The following ABAT variants were observed in gnomAD, a reference collection of about 807,000 sequenced individuals.
The protein encoded by ABAT is 4-aminobutyrate aminotransferase, mitochondrial.
Under a neutral mutation model 64.6 loss-of-function variants are expected in ABAT, and 45 were observed. The ratio of observed to expected loss-of-function variants is 0.70; its 90% CI spans 0.55 to 0.89. The LOEUF (loss-of-function observed/expected upper bound fraction) is 0.89, where lower values mean the gene tolerates loss of function less well. ABAT is among the 40% of genes least tolerant of loss of function. The pLI, the probability that ABAT is intolerant of heterozygous loss-of-function variation, is 0.00. For synonymous variants in ABAT, 297 were observed against 250.5 expected, an observed-to-expected ratio of 1.19 and a Z score of -1.75; for missense variants, 633 against 658.4, an observed-to-expected ratio of 0.96 and a Z score of 0.42.
At chr16:8,678,712 T>C (rs60472652) in intron 1 of ABAT, among the ~76,000 whole-genome samples, 5,662 of 152,282 alleles carry the variant, frequency 0.037, 338 homozygotes, top group African/African-American at 0.13. Context: ...TGGCAGAGCT[T>C]GCAACACTGG....
chr16:8,728,235 T>C (rs1291048579), intron 1 of ABAT, among the ~76,000 whole-genome samples: 2 of 152,256 alleles, frequency 1.3e-5, no homozygotes, highest in Non-Finnish European at 2.9e-5. Flanking sequence ...AATTAATGTC[T>C]AACAGAGATC....
intron 4 of ABAT, among the ~76,000 whole-genome samples, chr16:8,749,026 G>C (rs140243943): frequency 6.6e-6 from 1 of 150,828 alleles, no homozygotes; most frequent in African/African-American, 2.4e-5. Context: ...TCATATGGTT[G>C]TGTTTACAGC....
chr16:8,695,891 C>T (rs1370568336), intron 1 of ABAT, among the ~76,000 whole-genome samples: 3 of 152,122 alleles, frequency 2.0e-5, no homozygotes, highest in Non-Finnish European at 2.9e-5. Context: ...TTAAACAATG[C>T]ACAGAACCTT....
chr16:8,693,987 A>C (rs935080622), intron 1 of ABAT, among the ~76,000 whole-genome samples: 2 of 152,028 alleles, frequency 1.3e-5, no homozygotes, highest in African/African-American at 4.8e-5. Flanking sequence ...ACATTGATAC[A>C]GTCCATCCAT....
intron 4 of ABAT, among the ~76,000 whole-genome samples, chr16:8,749,433 C>T (rs2059418748): frequency 9.9e-6 from 1 of 101,050 alleles, no homozygotes; most frequent in African/African-American, 3.7e-5. Flanking sequence ...AAGTCTCACT[C>T]TGTCTCCCAG....
intron 5 of ABAT, among the ~76,000 whole-genome samples, chr16:8,752,443 G>C (rs1430231645): frequency 6.6e-6 from 1 of 152,160 alleles, no homozygotes; most frequent in Non-Finnish European, 1.5e-5. Flanking sequence ...CAGGGAATCA[G>C]ATTAGCAGCA....
intron 2 of ABAT, among the ~76,000 whole-genome samples, chr16:8,744,053 G>A (rs1224277025): frequency 6.6e-6 from 1 of 152,062 alleles, no homozygotes; most frequent in Non-Finnish European, 1.5e-5. Flanking sequence ...ATTCACCCGG[G>A]AAATCAAACA....
intron 1 of ABAT, among the ~76,000 whole-genome samples, chr16:8,729,722 A>T (rs181443241): frequency 7.9e-4 from 120 of 151,292 alleles, no homozygotes; most frequent in African/African-American, 2.7e-3. Flanking sequence ...GCTACTTGGC[A>T]GGGCTAAGGT....
rs1378080671 is a variant in ABAT at position 8,764,975 on chromosome 16, G to C, written c.540+145G>C. On this transcript the variant is annotated intron_variant, in intron 8 of 15. Transcript: ENST00000268251. This position sits in a 1 kb window ranked among gnomAD's most constrained non-coding sequence, Gnocchi z 4.2. The stretch of plus-strand genomic sequence containing the variant: ...TTAAAATACAGGGAGGGCCACTGCT[G>C]GATGGTACTTTGAGACGGCACAGTG... 2 of 800,794 alleles carry C rather than the reference G, an allele frequency of 2.5e-6. No individual in the cohort carries two copies. Among genetic ancestry groups the C allele is most frequent in the Admixed American group, 4.0e-5 (2 of 49,884 alleles). 49.6% of individuals were successfully genotyped at this position (800,794 alleles called of 1,614,324 possible). A position where few individuals can be genotyped will look rare whatever the true frequency, so the allele number is the denominator to read the frequency against.
intron 1 of ABAT, among the ~76,000 whole-genome samples, chr16:8,727,055 A>G (rs2058579039): frequency 6.6e-6 from 1 of 152,106 alleles, no homozygotes; most frequent in Non-Finnish European, 1.5e-5. Context: ...TTTTTTCTAT[A>G]GAGTTGTTTG....
intron 2 of ABAT, 43 bp from the exon 3 acceptor site, chr16:8,745,958 T>C (rs1227718070): frequency 6.4e-7 from 1 of 1,574,642 alleles, no homozygotes; most frequent in South Asian, 1.1e-5. Context: ...CCTCATGATC[T>C]CTGCTGTCAC....
intron 2 of ABAT, among the ~76,000 whole-genome samples, chr16:8,744,411 A>G (rs184645490): frequency 2.9e-4 from 44 of 152,012 alleles, no homozygotes; most frequent in Non-Finnish European, 2.5e-4. Flanking sequence ...TTTGTTACCC[A>G]GTCTGAAGTG....
intron 6 of ABAT, among the ~76,000 whole-genome samples, chr16:8,762,383 A>G (rs567380695): frequency 1.3e-5 from 2 of 152,262 alleles, no homozygotes; most frequent in South Asian, 2.1e-4. Flanking sequence ...TGTATGCCAT[A>G]TCATCTCACT....
intron 2 of ABAT, among the ~76,000 whole-genome samples, chr16:8,741,611 A>G (rs1222084264): frequency 6.6e-6 from 1 of 152,242 alleles, no homozygotes; most frequent in Admixed American, 6.5e-5. Context: ...CTGTGTCTTC[A>G]TAGATGAGAT....
intron 5 of ABAT, among the ~76,000 whole-genome samples, chr16:8,753,934 CT>C (rs2059565379): frequency 6.6e-6 from 1 of 152,120 alleles, no homozygotes; most frequent in African/African-American, 2.4e-5. Context: ...TCTCCACTGG[CT>C]GATCTCTTAC....
intron 12 of ABAT, among the ~76,000 whole-genome samples, chr16:8,773,679 C>G (rs1489743135): frequency 6.6e-6 from 1 of 152,156 alleles, no homozygotes; most frequent in South Asian, 2.1e-4. Context: ...ACTTTTGTAT[C>G]CATTAACCAA....
chr16:8,680,909 G>C (rs192343679), intron 1 of ABAT, among the ~76,000 whole-genome samples: 1 of 152,028 alleles, frequency 6.6e-6, no homozygotes, highest in East Asian at 1.9e-4. Flanking sequence ...TTTGAATTGA[G>C]TTGTCTTTTT....
intron 5 of ABAT, among the ~76,000 whole-genome samples, chr16:8,751,716 GTTA>G (rs1286619291): frequency 6.6e-6 from 1 of 152,158 alleles, no homozygotes; most frequent in African/African-American, 2.4e-5. Flanking sequence ...GGCAGCTGGA[GTTA>G]TTATCAATCA....
intron 1 of ABAT, among the ~76,000 whole-genome samples, chr16:8,709,939 G>C (rs1279031592): frequency 6.6e-6 from 1 of 152,014 alleles, no homozygotes; most frequent in Non-Finnish European, 1.5e-5. Flanking sequence ...GAGTAGCTGG[G>C]ACTACAGACG....
Sources: gnomAD v4.1 joint callset for allele counts (sites outside exome capture counted in the v4.1 genomes callset) on GRCh38, gnomAD v4.1.1 for gene constraint, Gnocchi (gnomAD v3.1) non-coding constraint, MANE v1.5 for transcripts, NCBI Gene and HGNC (gene_info 2026-07-23, HGNC 2026-07-21) for gene names.